ANO4: variants seen among roughly 807,000 people sequenced by gnomAD.
ANO4 encodes anoctamin 4.
In ANO4, 69 loss-of-function variants were observed where a neutral mutation model predicts 141.9. The ratio of observed to expected loss-of-function variants is 0.49; its 90% CI spans 0.40 to 0.59. ANO4 has a LOEUF of 0.59. Among genes scored for constraint, ANO4 ranks in the 20% least tolerant of loss-of-function variants. ANO4 has a pLI of 0.00. For missense variants in ANO4, 894 were observed against 1,162.2 expected (o/e 0.77, Z 3.36); for synonymous variants, 350 against 394.3 (o/e 0.89, Z 1.33).
intron 8 of ANO4, among the ~76,000 whole-genome samples, chr12:100,989,647 A>ATGGG (rs1263543902): frequency 6.8e-6 from 1 of 147,126 alleles, no homozygotes; most frequent in Non-Finnish European, 1.5e-5. Context: ...GGATGGATGG[A>ATGGG]TGGATGGATG....
At chr12:100,739,659 G>A (rs1027445011) in intron 2 of ANO4, among the ~76,000 whole-genome samples, 5 of 152,086 alleles carry the variant, frequency 3.3e-5, no homozygotes, top group East Asian at 3.9e-4. Context: ...CTTAGCATGC[G>A]CTTAATAAAC....
chr12:100,879,558 T>TAA (rs890605331), intron 1 of ANO4, among the ~76,000 whole-genome samples: 2 of 152,274 alleles, frequency 1.3e-5, no homozygotes, highest in African/African-American at 4.8e-5. Flanking sequence ...CTAGATGAAT[T>TAA]AAAAGTGAAG....
chr12:100,811,790 C>T (rs1159686194), intron 1 of ANO4, among the ~76,000 whole-genome samples: 2 of 152,186 alleles, frequency 1.3e-5, no homozygotes, highest in South Asian at 2.1e-4. Context: ...CTGCTGTTGT[C>T]GTCATGAGTC....
At chr12:100,967,938 T>C (rs1281414446) in intron 5 of ANO4, among the ~76,000 whole-genome samples, 1 of 152,188 alleles carries the variant, frequency 6.6e-6, no homozygotes, top group African/African-American at 2.4e-5. Context: ...ATCAGCTCTG[T>C]CTGGGGTAAA....
intron 8 of ANO4, among the ~76,000 whole-genome samples, chr12:100,992,322 C>T (rs2045168537): frequency 6.6e-6 from 1 of 152,212 alleles, no homozygotes; most frequent in South Asian, 2.1e-4. Context: ...CCTCATCTGC[C>T]TTTCTTGCCT....
At chr12:100,822,576 A>AT (rs2036113262) in intron 1 of ANO4, among the ~76,000 whole-genome samples, 2 of 151,988 alleles carry the variant, frequency 1.3e-5, no homozygotes, top group Non-Finnish European at 1.5e-5. Context: ...CAGGAGGCAA[A>AT]TTTTTTCCAA....
chr12:100,832,510 T>G (rs2036683951), intron 1 of ANO4, among the ~76,000 whole-genome samples: 1 of 152,140 alleles, frequency 6.6e-6, no homozygotes. Flanking sequence ...TTGCTAGTTT[T>G]TACCCATCAC....
At position 100,787,529 on chromosome 12, in the gene ANO4, C is replaced by T. The variant is rs185505139; in HGVS notation, c.358+47424C>T. On this transcript the variant is annotated intron_variant, in intron 3 of 29. Transcript: ENST00000644049. ...GAGGAGAGTTTTCTGTTGGAGAAGG[C>T]ACGATGGCATCTTCATTTAAAAATC... Among the ~76,000 whole-genome samples the T allele has an allele frequency of 2.0e-5, 3 of 152,248 alleles. No individual in the cohort carries two copies. The East Asian group carries it at 5.8e-4, about 29-fold the overall frequency.
At chr12:100,997,337 A>AAG (rs2045433308) in intron 8 of ANO4, among the ~76,000 whole-genome samples, 1 of 151,036 alleles carries the variant, frequency 6.6e-6, no homozygotes, top group Non-Finnish European at 1.5e-5. Flanking sequence ...GTCTCAAAAA[A>AAG]AAAAAAAAAA....
At chr12:100,975,107 G>T (rs980875397) in intron 7 of ANO4, among the ~76,000 whole-genome samples, 2 of 152,016 alleles carry the variant, frequency 1.3e-5, no homozygotes, top group Non-Finnish European at 2.9e-5. Context: ...TTCCCACTTG[G>T]GGGGATTGCC....
chr12:101,075,595 T>G (rs2048988666), intron 14 of ANO4, among the ~76,000 whole-genome samples: 1 of 151,088 alleles, frequency 6.6e-6, no homozygotes, highest in Admixed American at 6.6e-5. Context: ...AGAAATACAC[T>G]TTTTAATCAA....
intron 1 of ANO4, among the ~76,000 whole-genome samples, chr12:100,802,667 G>A (rs985693001): frequency 6.6e-6 from 1 of 152,124 alleles, no homozygotes; most frequent in Non-Finnish European, 1.5e-5. Context: ...AATCGAGCAC[G>A]TACTATGTTT....
chr12:100,905,697 G>A (rs2040815048), intron 2 of ANO4, among the ~76,000 whole-genome samples: 1 of 152,138 alleles, frequency 6.6e-6, no homozygotes, highest in Admixed American at 6.5e-5. Flanking sequence ...TGAAGAAATA[G>A]GGCAGCAGCT....
intron 3 of ANO4, among the ~76,000 whole-genome samples, chr12:100,781,475 G>A (rs2033709078): frequency 6.6e-6 from 1 of 152,058 alleles, no homozygotes; most frequent in Non-Finnish European, 1.5e-5. Context: ...CCATAGAATG[G>A]TCTTATAGTC....
chr12:101,071,849 TA>T (rs2048824463), intron 14 of ANO4, among the ~76,000 whole-genome samples: 1 of 151,850 alleles, frequency 6.6e-6, no homozygotes, highest in Non-Finnish European at 1.5e-5. Flanking sequence ...AAATTAAAAA[TA>T]AAAAAATTAA....
chr12:101,127,632 T>C (rs553835828), intron 27 of ANO4, among the ~76,000 whole-genome samples: 1 of 152,318 alleles, frequency 6.6e-6, no homozygotes, highest in Admixed American at 6.5e-5. Context: ...CCTGCCTGTT[T>C]CTATTTCCCC....
chr12:100,839,985 G>A (rs1040116266), intron 1 of ANO4, among the ~76,000 whole-genome samples: 5 of 152,120 alleles, frequency 3.3e-5, no homozygotes, highest in Middle Eastern at 3.4e-3. Context: ...CTAGTGCATC[G>A]TACTTCTGGT....
intron 5 of ANO4, among the ~76,000 whole-genome samples, chr12:100,965,120 A>G (rs1458639535): frequency 6.6e-6 from 1 of 152,170 alleles, no homozygotes; most frequent in Non-Finnish European, 1.5e-5. Flanking sequence ...TGCAAAGACC[A>G]CCATGATTTA....
intron 1 of ANO4, among the ~76,000 whole-genome samples, chr12:100,887,519 C>CTT (rs5800436): frequency 2.0e-4 from 29 of 147,694 alleles, no homozygotes; most frequent in East Asian, 7.9e-4. Flanking sequence ...GGGTTTCTTT[C>CTT]TTTTTTTTTT....
Sources: allele counts gnomAD v4.1 joint callset (sites outside exome capture counted in the v4.1 genomes callset), GRCh38; gene constraint gnomAD v4.1.1; transcripts MANE v1.5; gene names NCBI Gene and HGNC (gene_info 2026-07-23, HGNC 2026-07-21).